Variants in MARCHF3 observed in about 807,000 individuals in gnomAD.
MARCHF3 encodes the protein E3 ubiquitin-protein ligase MARCHF3.
Under a neutral mutation model 24.2 loss-of-function variants are expected in MARCHF3, and 13 were observed. The observed-to-expected ratio is 0.54, with a 90% CI of 0.35 to 0.85. The LOEUF (loss-of-function observed/expected upper bound fraction) is 0.85, where lower values mean the gene tolerates loss of function less well. Ranked by LOEUF, MARCHF3 falls within the 40% of genes least tolerant of loss-of-function variation. The pLI is 0.01. For synonymous variants in MARCHF3, 144 were observed against 137.3 expected (o/e 1.05, Z -0.34); for missense variants, 276 against 325.0 (o/e 0.85, Z 1.16).
intron 3 of MARCHF3, among the ~76,000 whole-genome samples, chr5:126,914,272 C>T (rs772545665): frequency 8.6e-5 from 13 of 152,006 alleles, no homozygotes; most frequent in African/African-American, 1.4e-4. Context: ...CATGAGCCAC[C>T]GCGCCCAGCC....
At chr5:127,028,297 G>GT (rs1753066043) in intron 1 of MARCHF3, among the ~76,000 whole-genome samples, 1 of 152,110 alleles carries the variant, frequency 6.6e-6, no homozygotes, top group East Asian at 1.9e-4. Context: ...GGAATTTATT[G>GT]TTTTTTAAAG....
At chr5:127,025,112 A>C (rs1752952928) in intron 1 of MARCHF3, among the ~76,000 whole-genome samples, 1 of 152,236 alleles carries the variant, frequency 6.6e-6, no homozygotes, top group Non-Finnish European at 1.5e-5. Context: ...AACATTGTGC[A>C]GAGATTAATA....
chr5:126,906,525 T>A (rs1754302914), intron 3 of MARCHF3, among the ~76,000 whole-genome samples: 3 of 152,240 alleles, frequency 2.0e-5, no homozygotes, highest in Admixed American at 1.3e-4. Flanking sequence ...GAGATTCAAC[T>A]TCTTCCTGGT....
chr5:126,945,903 C>T (rs1749992931), intron 1 of MARCHF3, among the ~76,000 whole-genome samples: 1 of 152,174 alleles, frequency 6.6e-6, no homozygotes, highest in Non-Finnish European at 1.5e-5. Context: ...CAGAGATGTC[C>T]AAGCACAGAC....
chr5:126,879,172 G>C (rs1345982644), intron 3 of MARCHF3, among the ~76,000 whole-genome samples: 1 of 152,140 alleles, frequency 6.6e-6, no homozygotes, highest in Non-Finnish European at 1.5e-5. Context: ...ATATTTGTTT[G>C]ACTCCACTAG....
At chr5:126,931,738 A>G (rs1304227245) in intron 1 of MARCHF3, among the ~76,000 whole-genome samples, 1 of 152,220 alleles carries the variant, frequency 6.6e-6, no homozygotes, top group Non-Finnish European at 1.5e-5. Flanking sequence ...TGAGGATAAC[A>G]GAAGGAAAAT....
chr5:126,986,909 G>T (rs994327505), intron 1 of MARCHF3, among the ~76,000 whole-genome samples: 2 of 152,238 alleles, frequency 1.3e-5, no homozygotes, highest in South Asian at 2.1e-4. Context: ...ACAAATTTCT[G>T]GAGGCCAGGA....
intron 1 of MARCHF3, among the ~76,000 whole-genome samples, chr5:126,981,365 G>A (rs1394113892): frequency 6.6e-6 from 1 of 152,172 alleles, no homozygotes; most frequent in Admixed American, 6.5e-5. Context: ...TCCAATCCAT[G>A]AGCATCTTGG....
intron 1 of MARCHF3, among the ~76,000 whole-genome samples, chr5:126,964,324 C>G (rs1750735419): frequency 6.6e-6 from 1 of 152,194 alleles, no homozygotes; most frequent in Non-Finnish European, 1.5e-5. Context: ...CCTGGTTGCT[C>G]TACTTGCTGG....
At chr5:126,922,955 C>T (rs1226357508) in intron 1 of MARCHF3, among the ~76,000 whole-genome samples, 2 of 152,160 alleles carry the variant, frequency 1.3e-5, no homozygotes, top group Non-Finnish European at 2.9e-5. Flanking sequence ...TCTCTCTTGG[C>T]TAGGGAGAAC....
At chr5:126,993,861 A>G (rs1179773829) in intron 1 of MARCHF3, among the ~76,000 whole-genome samples, 1 of 152,200 alleles carries the variant, frequency 6.6e-6, no homozygotes, top group African/African-American at 2.4e-5. Flanking sequence ...GAAATAATAT[A>G]CAATGGTATA....
At chr5:126,922,873 C>T (rs1269519907) in intron 1 of MARCHF3, among the ~76,000 whole-genome samples, 1 of 152,122 alleles carries the variant, frequency 6.6e-6, no homozygotes, top group Non-Finnish European at 1.5e-5. Context: ...AACTGTCTTT[C>T]CTCATGTCTG....
chr5:126,941,612 C>T (rs1749832895), intron 1 of MARCHF3, among the ~76,000 whole-genome samples: 1 of 152,172 alleles, frequency 6.6e-6, no homozygotes, highest in African/African-American at 2.4e-5. Context: ...GCATCTAGGT[C>T]TAGGACTGCA....
At chr5:126,884,659 C>T (rs934352007) in intron 3 of MARCHF3, among the ~76,000 whole-genome samples, 5 of 152,168 alleles carry the variant, frequency 3.3e-5, no homozygotes, top group African/African-American at 9.7e-5. Context: ...TCCTCCTGGG[C>T]TAAGGGACTT....
chr5:126,995,851 T>A (rs539022347), intron 1 of MARCHF3, among the ~76,000 whole-genome samples: 1 of 152,346 alleles, frequency 6.6e-6, no homozygotes, highest in Admixed American at 6.5e-5. Context: ...CTACTAGACC[T>A]ACTCAGATAA....
intron 1 of MARCHF3, among the ~76,000 whole-genome samples, chr5:126,926,116 C>T (rs1749288221): frequency 6.6e-6 from 1 of 152,226 alleles, no homozygotes; most frequent in African/African-American, 2.4e-5. Flanking sequence ...AGTTGTACCT[C>T]ACTTTCCTCT....
rs1041190339 is a variant in MARCHF3 at position 126,870,127 on chromosome 5, A to C, written c.*506T>G. The C allele has an allele frequency of 1.3e-5, 2 of 152,630 alleles. No individual in the cohort carries two copies. The highest frequency in any genetic ancestry group is 2.9e-5 in the Non-Finnish European group (2 of 68,074). The allele number at this position is 152,630 out of a possible 1,614,324, so 9.5% of individuals were successfully genotyped here. A position where few individuals can be genotyped will look rare whatever the true frequency, so the allele number is the denominator to read the frequency against. On this transcript the variant is annotated 3_prime_UTR_variant, in exon 5 of 5. Coordinates refer to ENST00000308660, the MANE Select transcript of MARCHF3 (RefSeq NM_178450.5). ...AGTAATGGACGCGAAAGAGATGAAA[A>C]AGACCACTCAGGCTACCAAAGTACC...
intron 1 of MARCHF3, among the ~76,000 whole-genome samples, chr5:126,981,202 C>T (rs1751382474): frequency 6.6e-6 from 1 of 152,178 alleles, no homozygotes; most frequent in Non-Finnish European, 1.5e-5. Context: ...TGACTGCTTC[C>T]TAGGCATCTC....
intron 1 of MARCHF3, among the ~76,000 whole-genome samples, chr5:126,928,552 G>T (rs1453321679): frequency 6.6e-6 from 1 of 151,954 alleles, no homozygotes; most frequent in Non-Finnish European, 1.5e-5. Flanking sequence ...CTTGCTTCTA[G>T]GCCATGGACC....
Sources: gnomAD v4.1 joint callset for allele counts (sites outside exome capture counted in the v4.1 genomes callset) on GRCh38, gnomAD v4.1.1 for gene constraint, MANE v1.5 for transcripts, NCBI Gene and HGNC (gene_info 2026-07-23, HGNC 2026-07-21) for gene names.